FOXP2: variants seen among roughly 807,000 people sequenced by gnomAD.
FOXP2 encodes forkhead box P2.
A neutral mutation model predicts 115.8 loss-of-function variants in FOXP2; 12 were observed. The ratio of observed to expected loss-of-function variants is 0.10; its 90% CI spans 0.07 to 0.17. The LOEUF is 0.17. Ranked by LOEUF, FOXP2 falls within the 10% of genes least tolerant of loss-of-function variation. The probability of loss-of-function intolerance (pLI) is 1.00; values close to 1 mark genes in which losing one functional copy is unlikely to be tolerated. For missense variants in FOXP2, 629 were observed against 843.5 expected (o/e 0.75, Z 3.15); for synonymous variants, 328 against 297.7 (o/e 1.10, Z -1.05).
chr7:114,461,804 C>A (rs1010547003), intron 2 of FOXP2, among the ~76,000 whole-genome samples: 2 of 152,060 alleles, frequency 1.3e-5, no homozygotes, highest in Non-Finnish European at 2.9e-5. Context: ...ACCATGTTTT[C>A]CCTCAACCTG....
intron 2 of FOXP2, among the ~76,000 whole-genome samples, chr7:114,529,209 C>A (rs1460085991): frequency 6.6e-6 from 1 of 151,722 alleles, no homozygotes; most frequent in Non-Finnish European, 1.5e-5. Flanking sequence ...CTGAAAAAAA[C>A]AAAATCTGTC....
At chr7:114,272,898 T>A (rs1235855843) in intron 1 of FOXP2, among the ~76,000 whole-genome samples, 1 of 151,900 alleles carries the variant, frequency 6.6e-6, no homozygotes, top group African/African-American at 2.4e-5. Context: ...ATTTTTACTT[T>A]TGTTGATTTT....
chr7:114,108,136 C>G (rs945901102), intron 1 of FOXP2, among the ~76,000 whole-genome samples: 2 of 151,836 alleles, frequency 1.3e-5, no homozygotes, highest in African/African-American at 4.8e-5. Context: ...TAAGTATGAA[C>G]CAGGTTGACT....
intron 2 of FOXP2, among the ~76,000 whole-genome samples, chr7:114,308,285 A>G (rs1797064790): frequency 6.6e-6 from 1 of 152,134 alleles, no homozygotes; most frequent in Non-Finnish European, 1.5e-5. Context: ...TACTCAACCA[A>G]TTAGTCATTA....
At chr7:114,303,646 T>C (rs976281761) in intron 2 of FOXP2, among the ~76,000 whole-genome samples, 1 of 152,170 alleles carries the variant, frequency 6.6e-6, no homozygotes, top group Non-Finnish European at 1.5e-5. Flanking sequence ...CATTTTCTAT[T>C]TGTTGTCTGC....
chr7:114,368,402 A>G (rs1447289040), intron 2 of FOXP2, among the ~76,000 whole-genome samples: 2 of 152,198 alleles, frequency 1.3e-5, no homozygotes, highest in Non-Finnish European at 2.9e-5. Context: ...TGCCATTTTG[A>G]AACTATAGAT....
intron 2 of FOXP2, among the ~76,000 whole-genome samples, chr7:114,334,510 A>G (rs1054695851): frequency 6.6e-6 from 1 of 151,976 alleles, no homozygotes; most frequent in Admixed American, 6.6e-5. Context: ...CATAGTTTCC[A>G]AAGATGATGT....
intron 2 of FOXP2, among the ~76,000 whole-genome samples, chr7:114,317,729 A>G (rs1797307443): frequency 6.6e-6 from 1 of 152,102 alleles, no homozygotes; most frequent in Non-Finnish European, 1.5e-5. Context: ...TTCAGGATCT[A>G]CTGCCATTTC....
At position 114,466,181 on chromosome 7, in the gene FOXP2, A is replaced by T. The variant is rs143246328; in HGVS notation, c.168+39502A>T. ...TCAGTTCCTCACCTATGGCCACTTT[A>T]TATTACTGGAATTTTGCTAGAGACC... On this transcript the variant is annotated intron_variant, in intron 2 of 16. Transcript: ENST00000350908. 2.0e-4 allele frequency among the ~76,000 whole-genome samples: 30 copies of T among 152,266 alleles called. No individual in the cohort carries two copies. In the East Asian group the frequency reaches 5.8e-3, roughly 29 times the overall value.
chr7:114,191,768 T>C (rs1450330437), intron 1 of FOXP2, among the ~76,000 whole-genome samples: 1 of 152,152 alleles, frequency 6.6e-6, no homozygotes, highest in South Asian at 2.1e-4. Flanking sequence ...TGTGATACAG[T>C]ATTATTAGCC....
intron 13 of FOXP2, among the ~76,000 whole-genome samples, chr7:114,659,880 A>G (rs530572367): frequency 1.3e-5 from 2 of 152,330 alleles, no homozygotes; most frequent in East Asian, 3.9e-4. Flanking sequence ...GGTGCAATTA[A>G]TAGCTGAGGC....
chr7:114,424,444 T>C (rs1793750371), intron 1 of FOXP2, among the ~76,000 whole-genome samples: 1 of 151,528 alleles, frequency 6.6e-6, no homozygotes, highest in African/African-American at 2.4e-5. Context: ...TTCTCAAAAG[T>C]AAAATTTAAA....
chr7:114,670,470 CTCT>C (rs953451938), intron 16 of FOXP2, among the ~76,000 whole-genome samples: 10 of 151,952 alleles, frequency 6.6e-5, no homozygotes, highest in African/African-American at 1.4e-4. Context: ...TTACGACATC[CTCT>C]TCTTCTTCAT....
intron 3 of FOXP2, among the ~76,000 whole-genome samples, chr7:114,551,354 C>T (rs1325850191): frequency 6.6e-6 from 1 of 152,058 alleles, no homozygotes; most frequent in Non-Finnish European, 1.5e-5. Flanking sequence ...AGAATAATAA[C>T]CATTCTTCTA....
rs917373197 is a variant in FOXP2, at chr7:114,691,687, T to C, written c.*1761T>C. ...CCAACCAAGGGACCTCATAACCTGATTATGGTTATTGCTTTACAAACAGTT... is the reference window on the plus strand; with the variant it reads ...CCAACCAAGGGACCTCATAACCTGACTATGGTTATTGCTTTACAAACAGTT... On this transcript the variant is annotated 3_prime_UTR_variant, in exon 17 of 17. Transcript: ENST00000350908. The C allele has an allele frequency of 2.2e-6, 1 of 454,018 alleles. No individual in the cohort carries two copies. The highest frequency in any genetic ancestry group is 4.4e-6 in the Non-Finnish European group (1 of 226,714). The allele number at this position is 454,018 out of a possible 1,614,324, so 28.1% of individuals were successfully genotyped here.
intron 1 of FOXP2, 103 bp from the exon 2 acceptor site, chr7:114,426,399 T>G (rs1248182935): frequency 9.2e-7 from 1 of 1,086,742 alleles, no homozygotes. Context: ...TTCTTCCCCC[T>G]CTTCTAAAGA....
intron 2 of FOXP2, among the ~76,000 whole-genome samples, chr7:114,359,168 T>C (rs2690836): frequency 0.55 from 83,795 of 152,038 alleles, 23,704 homozygotes; most frequent in East Asian, 0.83. Flanking sequence ...AAGGGACCAA[T>C]TAACAGCTCA....
At chr7:114,665,410 G>A (rs1585008703) in intron 16 of FOXP2, 1 of 151,804 alleles carries the variant, frequency 6.6e-6, no homozygotes, top group Non-Finnish European at 1.5e-5. Flanking sequence ...TTTTTATATT[G>A]TCTTCCTTTA....
intron 1 of FOXP2, among the ~76,000 whole-genome samples, chr7:114,258,756 T>G (rs539231314): frequency 6.6e-6 from 1 of 152,182 alleles, no homozygotes; most frequent in Non-Finnish European, 1.5e-5. Flanking sequence ...TTCTCTGTCT[T>G]AAAAACATCA....
Sources: allele counts gnomAD v4.1 joint callset (sites outside exome capture counted in the v4.1 genomes callset), GRCh38; gene constraint gnomAD v4.1.1; transcripts MANE v1.5; gene names NCBI Gene and HGNC (gene_info 2026-07-23, HGNC 2026-07-21).